The following SCN7A variants were observed in gnomAD, a reference collection of about 807,000 sequenced individuals.
The protein encoded by SCN7A is sodium channel protein type 7 subunit alpha.
In SCN7A, 138 loss-of-function variants were observed where a neutral mutation model predicts 155.2. That is an observed-to-expected ratio of 0.89 (90% CI 0.77 to 1.02). The LOEUF (loss-of-function observed/expected upper bound fraction) is 1.02, where lower values mean the gene tolerates loss of function less well. Ranked by LOEUF, SCN7A falls within the 50% of genes least tolerant of loss-of-function variation. The pLI, the probability that SCN7A is intolerant of heterozygous loss-of-function variation, is 0.00. For missense variants in SCN7A, 2,058 were observed against 1,986.6 expected (o/e 1.04, Z -0.68); for synonymous variants, 693 against 649.0 (o/e 1.07, Z -1.03).
intron 19 of SCN7A, among the ~76,000 whole-genome samples, chr2:166,422,549 T>G (rs1194349752): frequency 1.3e-5 from 2 of 152,114 alleles, no homozygotes; most frequent in Non-Finnish European, 2.9e-5. Flanking sequence ...GCACAGGCAC[T>G]AAGATGAAAA....
chr2:166,423,536 G>A (rs1701557839), intron 18 of SCN7A, 104 bp from the exon 19 acceptor site: 2 of 1,261,172 alleles, frequency 1.6e-6, no homozygotes, highest in African/African-American at 1.6e-5. Flanking sequence ...GGCATATGGT[G>A]AGCACTGTCA....
intron 4 of SCN7A, 143 bp from the exon 5 acceptor site, chr2:166,474,031 G>T: frequency 1.9e-6 from 1 of 522,794 alleles, no homozygotes; most frequent in Non-Finnish European, 3.3e-6. Context: ...TACTATTGTT[G>T]TGTATATTAG....
intron 11 of SCN7A, among the ~76,000 whole-genome samples, chr2:166,454,161 T>C (rs1260023746): frequency 6.6e-6 from 1 of 152,140 alleles, no homozygotes; most frequent in African/African-American, 2.4e-5. Context: ...AGTGCAGCCA[T>C]AAGCCCTTAA....
chr2:166,412,943 C>A (rs1406985589), intron 22 of SCN7A, 125 bp downstream of exon 22: 1 of 857,748 alleles, frequency 1.2e-6, no homozygotes, highest in Non-Finnish European at 1.8e-6. Context: ...AATTTCATTG[C>A]CAATGAAATA....
At chr2:166,442,715 G>C (rs1371539323) in intron 14 of SCN7A, among the ~76,000 whole-genome samples, 1 of 151,966 alleles carries the variant, frequency 6.6e-6, no homozygotes, top group Non-Finnish European at 1.5e-5. Flanking sequence ...CTTAAATTCA[G>C]TCTATTACTA....
In SCN7A at chr2:166,405,927, C is replaced by A. The variant is rs772498030; in HGVS notation, c.4702G>T (p.Val1568Phe). The change falls in exon 26 of 26, where the codon GTT becomes TTT. Residue 1568 changes from valine (V) to phenylalanine (F), a missense_variant. Physicochemically the swap from Val to Phe is conservative, Grantham distance 50. Coordinates refer to ENST00000643258, the MANE Select transcript of SCN7A (RefSeq NM_002976.4). ...QLIALDLPMA[V>F]GDRIHCLDIL... ...TCGAGGCAATGAATTCTGTCCCCAA[C>A]AGCCATGGGGAGGTCCAAAGCAATG... 12 of 1,613,006 alleles carry A rather than the reference C, an allele frequency of 7.4e-6. No homozygotes were observed. The highest frequency in any genetic ancestry group is 9.3e-6 in the Non-Finnish European group (11 of 1,179,292).
intron 11 of SCN7A, among the ~76,000 whole-genome samples, chr2:166,449,845 T>C (rs766925483): frequency 5.3e-5 from 8 of 151,966 alleles, no homozygotes; most frequent in Non-Finnish European, 8.8e-5. Context: ...TGTGGAGAAA[T>C]TGGAATGCTT....
rs566875827 is a variant in SCN7A, at chr2:166,447,772, G to A, written c.1291-64C>T. On this transcript the variant is annotated intron_variant, in intron 11 of 25. Coordinates refer to ENST00000643258, the MANE Select transcript of SCN7A (RefSeq NM_002976.4). ...CTTTGCAGGTCCAAGACTATAAGAA[G>A]GTGCACAGCCTTGCTAAAAATGCCA... 2.6e-6 allele frequency: 3 copies of A among 1,139,278 alleles called. No homozygotes were observed. The South Asian group carries it at 4.1e-5, about 15-fold the overall frequency. 70.6% of individuals were successfully genotyped at this position (1,139,278 alleles called of 1,614,324 possible).
intron 11 of SCN7A, among the ~76,000 whole-genome samples, chr2:166,448,608 C>A (rs867064546): frequency 6.6e-6 from 1 of 152,048 alleles, no homozygotes; most frequent in Non-Finnish European, 1.5e-5. Context: ...TTATCACTTG[C>A]CAATCTTTAG....
chr2:166,488,603 T>A (rs1256797019), intron 1 of SCN7A, among the ~76,000 whole-genome samples: 2 of 151,888 alleles, frequency 1.3e-5, no homozygotes, highest in Non-Finnish European at 1.5e-5. Flanking sequence ...TTAGTGCAGT[T>A]TTTTAAAAAA....
rs1702804285 is a variant in SCN7A, at chr2:166,476,656, C to T, written c.234+807G>A. Among the ~76,000 whole-genome samples the T allele has an allele frequency of 2.0e-5, 3 of 151,998 alleles. No individual in the cohort carries two copies. The East Asian group carries it at 5.8e-4, about 29-fold the overall frequency. The stretch of plus-strand genomic sequence containing the variant: ...TGCTACTTAAACATTATATTCATTG[C>T]ATCAGTCCTTTGATCACCATATTAA... On this transcript the variant is annotated intron_variant, in intron 3 of 25. Transcript: ENST00000643258.
At position 166,414,000 on chromosome 2, in the gene SCN7A, T is replaced by TATATATATATATATATATATATAA. The variant is rs1292737289; in HGVS notation, c.3415-880_3415-879insTTATATATATATATATATATATAT. On this transcript the variant is annotated intron_variant, in intron 21 of 25. Transcript: ENST00000643258. ...GTATGTGTATATATATATATATATATATAAATATACTATATATATGTAAAT... is the reference window on the plus strand; with the variant it reads ...GTATGTGTATATATATATATATATATATATATATATATATATATATATAAATAAATATACTATATATATGTAAAT... Among the ~76,000 whole-genome samples, 6 of 100,158 alleles carry TATATATATATATATATATATATAA rather than the reference T, an allele frequency of 6.0e-5. 1 individual carries two copies. Among genetic ancestry groups the TATATATATATATATATATATATAA allele is most frequent in the African/African-American group, 1.2e-4 (3 of 25,162 alleles). 65.7% of individuals were successfully genotyped at this position (100,158 alleles called of 152,430 possible).
chr2:166,443,783 T>A, intron 13 of SCN7A, 107 bp from the exon 14 acceptor site: 2 of 759,370 alleles, frequency 2.6e-6, no homozygotes, highest in Non-Finnish European at 4.1e-6. Context: ...ACTCTCACAT[T>A]CTTCACAGCT....
In SCN7A at chr2:166,406,078, T is replaced by C. The variant is rs772672616; in HGVS notation, c.4551A>G (p.Lys1517=). 6.2e-6 allele frequency: 10 copies of C among 1,612,520 alleles called. No individual in the cohort carries two copies. In the Admixed American group the frequency reaches 1.7e-4, roughly 27 times the overall value. Residue 1517 remains lysine, a synonymous_variant, in exon 26 of 26, where the codon AAA becomes AAG. Transcript: ENST00000643258. ...NKTLSEDDFR[K]FFQVWKRFDP... Reference sequence around the variant, plus strand: ...CAAACCTTTTCCATACCTGAAAGAATTTCCTAAAATCATCTTCACTCAAGG... The same window carrying C: ...CAAACCTTTTCCATACCTGAAAGAACTTCCTAAAATCATCTTCACTCAAGG...
At position 166,414,309 on chromosome 2, in the gene SCN7A, TATACAC is replaced by T. The variant is rs1559088952; in HGVS notation, c.3415-1194_3415-1189del. Among the ~76,000 whole-genome samples the T allele has an allele frequency of 4.9e-4, 41 of 84,044 alleles. 1 individual carries two copies. The East Asian group carries it at 0.01, about 21-fold the overall frequency. The allele number at this position is 84,044 out of a possible 152,430, so 55.1% of individuals were successfully genotyped here. The stretch of plus-strand genomic sequence containing the variant: ...ATACACACACATATATATATATATA[TATACAC>T]ATATATATATATATATGAAGGAAGT... On this transcript the variant is annotated intron_variant, in intron 21 of 25. Coordinates refer to ENST00000643258, the MANE Select transcript of SCN7A (RefSeq NM_002976.4).
At chr2:166,472,793 C>T (rs968694020) in intron 5 of SCN7A, among the ~76,000 whole-genome samples, 6 of 151,812 alleles carry the variant, frequency 4.0e-5, no homozygotes, top group Non-Finnish European at 7.4e-5. Flanking sequence ...TAACAAGATG[C>T]CTCCAGCTTT....
chr2:166,405,447 C>G lies in SCN7A; in HGVS notation c.*133G>C. The G allele has an allele frequency of 1.5e-6, 1 of 675,134 alleles. No homozygotes were observed. Among genetic ancestry groups the G allele is most frequent in the Non-Finnish European group, 2.5e-6 (1 of 407,988 alleles). 41.8% of individuals were successfully genotyped at this position (675,134 alleles called of 1,614,324 possible). A position where few individuals can be genotyped will look rare whatever the true frequency, so the allele number is the denominator to read the frequency against. ...CTAAAAAGTGAATTTGGCATGAAGT[C>G]TTGTGAATACAAGCTTAATTACCAT... On this transcript the variant is annotated 3_prime_UTR_variant, in exon 26 of 26. Coordinates refer to ENST00000643258, the MANE Select transcript of SCN7A (RefSeq NM_002976.4).
intron 3 of SCN7A, among the ~76,000 whole-genome samples, chr2:166,475,845 C>A (rs1375819620): frequency 2.0e-5 from 3 of 151,962 alleles, no homozygotes; most frequent in African/African-American, 7.2e-5. Context: ...TTCTACCAAG[C>A]TATCCGTGCA....
chr2:166,437,471 G>A (rs1701863738), intron 15 of SCN7A, among the ~76,000 whole-genome samples: 1 of 152,192 alleles, frequency 6.6e-6, no homozygotes, highest in African/African-American at 2.4e-5. Flanking sequence ...GAAAAGAAAT[G>A]TAGGGTTGGA....
Sources: gnomAD v4.1 joint callset for allele counts (sites outside exome capture counted in the v4.1 genomes callset) on GRCh38, gnomAD v4.1.1 for gene constraint, MANE v1.5 for transcripts, NCBI Gene and HGNC (gene_info 2026-07-23, HGNC 2026-07-21) for gene names.